The following COL22A1 variants were observed in gnomAD, a reference collection of about 807,000 sequenced individuals.
The protein encoded by COL22A1 is collagen type XXII alpha 1 chain.
COL22A1 carries 221 observed loss-of-function variants against 248.9 expected under a neutral mutation model. That is an observed-to-expected ratio of 0.89 (90% CI 0.80 to 0.99). The LOEUF (loss-of-function observed/expected upper bound fraction) is 0.99. Among genes scored for constraint, COL22A1 ranks in the 50% least tolerant of loss-of-function variants. The probability of loss-of-function intolerance (pLI) is 0.00; values close to 1 mark genes in which losing one functional copy is unlikely to be tolerated. For synonymous variants in COL22A1, 891 were observed against 793.4 expected, an observed-to-expected ratio of 1.12 and a Z score of -2.07; for missense variants, 2,240 against 2,179.0, an observed-to-expected ratio of 1.03 and a Z score of -0.56.
At chr8:138,718,697 G>A (rs1401813398) in intron 27 of COL22A1, among the ~76,000 whole-genome samples, 3 of 152,200 alleles carry the variant, frequency 2.0e-5, no homozygotes, top group Admixed American at 6.5e-5. Flanking sequence ...CTAGGACTAT[G>A]AGTATGTTGG....
Position 138,780,916 on chromosome 8 carries a change from A to C in COL22A1, c.1650+11T>G, listed in dbSNP as rs950740658. The C allele has an allele frequency of 1.2e-6, 2 of 1,612,304 alleles. No individual in the cohort carries two copies. Among genetic ancestry groups the C allele is most frequent in the African/African-American group, 2.7e-5 (2 of 74,910 alleles). ...TGCCTTGTGAGCCAGGGCAGACGGA[A>C]CAGAACTTACTCTCATGCCTTTGCT... On this transcript the variant is annotated intron_variant, in intron 13 of 64. Coordinates refer to ENST00000303045, the MANE Select transcript of COL22A1 (RefSeq NM_152888.3).
At chr8:138,765,958 T>C (rs1356657524) in intron 16 of COL22A1, among the ~76,000 whole-genome samples, 1 of 152,234 alleles carries the variant, frequency 6.6e-6, no homozygotes, top group Non-Finnish European at 1.5e-5. Flanking sequence ...GAGCTGCTGA[T>C]GAGACAGCTG....
intron 10 of COL22A1, among the ~76,000 whole-genome samples, chr8:138,806,182 G>C (rs1381524108): frequency 4.1e-4 from 5 of 12,168 alleles, no homozygotes; most frequent in East Asian, 1.4e-3. Flanking sequence ...GTAAGTAATG[G>C]TGTGTGATGG....
intron 3 of COL22A1, among the ~76,000 whole-genome samples, chr8:138,855,627 C>G (rs79348856): frequency 1.1e-4 from 16 of 152,160 alleles, no homozygotes; most frequent in Non-Finnish European, 1.9e-4. Context: ...CTTTTTGAAT[C>G]CCCCCAGGAA....
chr8:138,912,583 A>G (rs1815526874), intron 1 of COL22A1, among the ~76,000 whole-genome samples: 1 of 152,194 alleles, frequency 6.6e-6, no homozygotes, highest in Admixed American at 6.5e-5. Flanking sequence ...TCTACTAAAA[A>G]TATAAAATTA....
rs1828359019 is a variant in COL22A1 at position 138,705,577 on chromosome 8, A to G, written c.2518-2230T>C. Among the ~76,000 whole-genome samples the G allele has an allele frequency of 2.0e-5, 3 of 152,240 alleles. No individual in the cohort carries two copies. In the South Asian group the frequency reaches 6.2e-4, roughly 32 times the overall value. ...AATAAAATCCTTTACAGACAAGCAA[A>G]TGCTGAGAGATTTTGTCACCACCAG... is the stretch of plus-strand genomic sequence containing the variant. On this transcript the variant is annotated intron_variant, in intron 30 of 64. Transcript: ENST00000303045.
intron 41 of COL22A1, among the ~76,000 whole-genome samples, chr8:138,668,408 A>G (rs1188937046): frequency 1.3e-5 from 2 of 152,134 alleles, no homozygotes; most frequent in African/African-American, 2.4e-5. Context: ...ACACACACAC[A>G]CACATGCACA....
intron 10 of COL22A1, among the ~76,000 whole-genome samples, chr8:138,803,772 A>G (rs999311976): frequency 2.0e-5 from 3 of 152,246 alleles, no homozygotes; most frequent in Admixed American, 2.0e-4. Context: ...GTGTAGGCAC[A>G]GGAAACAGAG....
rs145976866 is a variant in COL22A1, at chr8:138,912,301, G to T, written c.-73+1318C>A. On this transcript the variant is annotated intron_variant, in intron 1 of 64. Transcript: ENST00000303045. ...CATGCAGCAGGCCTCTAACAAAAAT[G>T]AAGCCCTGCAATTTCAAATTTTCCT... 6.7e-3 allele frequency among the ~76,000 whole-genome samples: 1,025 copies of T among 152,328 alleles called. 11 individuals carry two copies. The highest frequency in any genetic ancestry group is 0.023 in the African/African-American group (975 of 41,572).
intron 1 of COL22A1, among the ~76,000 whole-genome samples, chr8:138,904,309 C>A (rs1814830954): frequency 6.6e-6 from 1 of 152,084 alleles, no homozygotes; most frequent in Admixed American, 6.6e-5. Flanking sequence ...TCTCCAACGG[C>A]CAACTTCCAA....
At chr8:138,830,480 G>T (rs1379989071) in intron 5 of COL22A1, among the ~76,000 whole-genome samples, 1 of 152,152 alleles carries the variant, frequency 6.6e-6, no homozygotes, top group Non-Finnish European at 1.5e-5. Flanking sequence ...ATCCTTTCTT[G>T]AAATGAAAGA....
At chr8:138,743,627 A>C (rs1192925987) in intron 22 of COL22A1, among the ~76,000 whole-genome samples, 1 of 152,156 alleles carries the variant, frequency 6.6e-6, no homozygotes, top group East Asian at 1.9e-4. Flanking sequence ...AGATTTGAGA[A>C]GTGCTAGAAA....
At position 138,604,881 on chromosome 8, in the gene COL22A1, A is replaced by C. The variant is rs1818304728; in HGVS notation, c.4105-112T>G. On this transcript the variant is annotated intron_variant, in intron 58 of 64. Transcript: ENST00000303045. ...CAAGTCATGTTCCAGCAAAGACAAC[A>C]ATCGATGGTCTACCTGGCCAAGGAC... The C allele has an allele frequency of 3.1e-6, 3 of 972,508 alleles. No homozygotes were observed. In the South Asian group the frequency reaches 4.3e-5, roughly 14 times the overall value. The allele number at this position is 972,508 out of a possible 1,614,324, so 60.2% of individuals were successfully genotyped here. A position where few individuals can be genotyped will look rare whatever the true frequency, so the allele number is the denominator to read the frequency against.
At chr8:138,790,760 A>G (rs545158212) in intron 12 of COL22A1, among the ~76,000 whole-genome samples, 2 of 152,292 alleles carry the variant, frequency 1.3e-5, no homozygotes, top group Admixed American at 6.5e-5. Context: ...CCCCCACCCA[A>G]TGAGAAGCAC....
In COL22A1 at chr8:138,589,026, ATAAT is replaced by A. The variant is rs1323129489; in HGVS notation, c.*223_*226del. The stretch of plus-strand genomic sequence containing the variant: ...AGCATCAGCATATGAAATAATAATA[ATAAT>A]TAACAACAACAATAATATTAATAAT... On this transcript the variant is annotated 3_prime_UTR_variant, in exon 65 of 65. Transcript: ENST00000303045. The A allele has an allele frequency of 2.2e-6, 1 of 450,942 alleles. No homozygotes were observed. Among genetic ancestry groups the A allele is most frequent in the Admixed American group, 4.2e-5 (1 of 23,814 alleles). 27.9% of individuals were successfully genotyped at this position (450,942 alleles called of 1,614,324 possible). A position where few individuals can be genotyped will look rare whatever the true frequency, so the allele number is the denominator to read the frequency against.
At chr8:138,639,917 A>C (rs906465781) in intron 47 of COL22A1, among the ~76,000 whole-genome samples, 1 of 152,194 alleles carries the variant, frequency 6.6e-6, no homozygotes, top group East Asian at 1.9e-4. Context: ...TGCTTTGAAT[A>C]AGGTCAATTA....
chr8:138,686,650 CAGCCTGG>C (rs202241206), intron 37 of COL22A1, among the ~76,000 whole-genome samples: 1,933 of 152,258 alleles, frequency 0.013, 21 homozygotes, highest in Non-Finnish European at 0.018. Context: ...GCCCGGCCCT[CAGCCTGG>C]GCCTCTGCTC....
At chr8:138,726,535 C>T (rs892434988) in intron 23 of COL22A1, among the ~76,000 whole-genome samples, 1 of 141,884 alleles carries the variant, frequency 7.0e-6, no homozygotes, top group African/African-American at 2.7e-5. Flanking sequence ...AGACAAATGG[C>T]CCAACTAAAC....
chr8:138,868,826 G>A (rs1823100257), intron 3 of COL22A1, among the ~76,000 whole-genome samples: 1 of 151,996 alleles, frequency 6.6e-6, no homozygotes, highest in African/African-American at 2.4e-5. Flanking sequence ...TGCCTCCCAG[G>A]TTCAAGCAAT....
Sources: gnomAD v4.1 joint callset for allele counts (sites outside exome capture counted in the v4.1 genomes callset) on GRCh38, gnomAD v4.1.1 for gene constraint, MANE v1.5 for transcripts, NCBI Gene and HGNC (gene_info 2026-07-23, HGNC 2026-07-21) for gene names.